Variants in MACROD2 observed in about 807,000 individuals in gnomAD.
The protein encoded by MACROD2 is ADP-ribose glycohydrolase MACROD2.
Under a neutral mutation model 70.4 loss-of-function variants are expected in MACROD2, and 36 were observed. That is an observed-to-expected ratio of 0.51 (90% CI 0.39 to 0.68). The LOEUF is 0.68. MACROD2 is among the 30% of genes least tolerant of loss of function. MACROD2 has a pLI of 0.00. For missense variants in MACROD2, 496 were observed against 538.4 expected (o/e 0.92, Z 0.78); for synonymous variants, 172 against 178.8 (o/e 0.96, Z 0.30).
At chr20:14,263,193 T>G (rs549601489) in intron 3 of MACROD2, among the ~76,000 whole-genome samples, 97 of 152,174 alleles carry the variant, frequency 6.4e-4, no homozygotes, top group Non-Finnish European at 1.2e-3. Context: ...TCAGTCAAGT[T>G]ATAACTATCC....
At chr20:15,970,462 G>C (rs1381740020) in intron 13 of MACROD2, among the ~76,000 whole-genome samples, 1 of 151,994 alleles carries the variant, frequency 6.6e-6, no homozygotes, top group African/African-American at 2.4e-5. Context: ...AAGAGTAAAA[G>C]TACCAATTAG....
chr20:15,764,372 T>C (rs2051487992), intron 8 of MACROD2, among the ~76,000 whole-genome samples: 1 of 152,224 alleles, frequency 6.6e-6, no homozygotes, highest in South Asian at 2.1e-4. Context: ...AATACCACCT[T>C]GAAATTCATA....
At chr20:15,183,409 T>G (rs1168396880) in intron 5 of MACROD2, among the ~76,000 whole-genome samples, 1 of 151,988 alleles carries the variant, frequency 6.6e-6, no homozygotes, top group Non-Finnish European at 1.5e-5. Context: ...CATGGTGGCA[T>G]GCACCTGTAG....
intron 5 of MACROD2, among the ~76,000 whole-genome samples, chr20:14,865,537 C>G (rs1030557255): frequency 6.6e-6 from 1 of 151,910 alleles, no homozygotes; most frequent in African/African-American, 2.4e-5. Flanking sequence ...GTTCGTTATT[C>G]TAGTGGAATA....
At chr20:15,848,453 A>G (rs1366543154) in intron 8 of MACROD2, among the ~76,000 whole-genome samples, 1 of 152,212 alleles carries the variant, frequency 6.6e-6, no homozygotes, top group Non-Finnish European at 1.5e-5. Context: ...TATTATAGAT[A>G]CTACATTACT....
intron 3 of MACROD2, among the ~76,000 whole-genome samples, chr20:14,441,702 C>A (rs17226999): frequency 6.6e-6 from 1 of 151,986 alleles, no homozygotes; most frequent in Non-Finnish European, 1.5e-5. Flanking sequence ...TTCTGATACC[C>A]AAATGGCCTG....
intron 2 of MACROD2, among the ~76,000 whole-genome samples, chr20:14,046,981 TAATA>T (rs1434048215): frequency 6.6e-6 from 1 of 152,086 alleles, no homozygotes; most frequent in Non-Finnish European, 1.5e-5. Context: ...CTAGACATCA[TAATA>T]AATCATTGAA....
rs934418178 is a variant in MACROD2, at chr20:15,913,546, G to T, written c.776-19730G>T. Among the ~76,000 whole-genome samples, 7 of 152,250 alleles carry T rather than the reference G, an allele frequency of 4.6e-5. No individual in the cohort carries two copies. In the East Asian group the frequency reaches 1.4e-3, roughly 29 times the overall value. ...AACAGTGAAGTCTCAGCCAAGAAAAGAAATTTAAAAAACCAGTTTCCTGAA... is the reference window on the plus strand; with the variant it reads ...AACAGTGAAGTCTCAGCCAAGAAAATAAATTTAAAAAACCAGTTTCCTGAA... On this transcript the variant is annotated intron_variant, in intron 10 of 17. Coordinates refer to ENST00000684519, the MANE Select transcript of MACROD2 (RefSeq NM_001351661.2).
chr20:15,749,452 C>T (rs1412814135), intron 8 of MACROD2, among the ~76,000 whole-genome samples: 2 of 151,856 alleles, frequency 1.3e-5, no homozygotes, highest in African/African-American at 4.8e-5. Flanking sequence ...AATTTCGGAT[C>T]TATCACAAAG....
At chr20:15,011,421 A>T (rs1230707908) in intron 5 of MACROD2, among the ~76,000 whole-genome samples, 4 of 152,192 alleles carry the variant, frequency 2.6e-5, no homozygotes, top group Non-Finnish European at 5.9e-5. Flanking sequence ...GATAATAATA[A>T]CTTTCCTATA....
intron 8 of MACROD2, among the ~76,000 whole-genome samples, chr20:15,505,053 C>T (rs575018913): frequency 6.6e-6 from 1 of 152,106 alleles, no homozygotes; most frequent in African/African-American, 2.4e-5. Context: ...TTGTTCTACC[C>T]CAGGGACTCA....
intron 8 of MACROD2, among the ~76,000 whole-genome samples, chr20:15,526,706 A>C (rs975624113): frequency 3.3e-5 from 5 of 152,242 alleles, no homozygotes; most frequent in Non-Finnish European, 7.3e-5. Flanking sequence ...GTTAGAAATG[A>C]GTAAAACCAT....
In MACROD2 at chr20:15,291,268, A is replaced by G. The variant is rs1459142038; in HGVS notation, c.540+61207A>G. ...ATCTATGCCATCACTGGGGGTTCTC[A>G]TTGTTTCTCATCTGTAAAGTCTTTT... On this transcript the variant is annotated intron_variant, in intron 6 of 17. Transcript: ENST00000684519. Among the ~76,000 whole-genome samples, 41 of 152,298 alleles carry G rather than the reference A, an allele frequency of 2.7e-4. 1 individual carries two copies. The highest frequency in any genetic ancestry group is 4.4e-5 in the Non-Finnish European group (3 of 68,014).
intron 8 of MACROD2, among the ~76,000 whole-genome samples, chr20:15,727,958 A>G (rs187422765): frequency 1.3e-5 from 2 of 152,166 alleles, no homozygotes; most frequent in East Asian, 3.9e-4. Context: ...GAGTTTCAGT[A>G]CTATGTTGAA....
intron 5 of MACROD2, among the ~76,000 whole-genome samples, chr20:14,696,946 T>G (rs999333905): frequency 6.6e-6 from 1 of 152,228 alleles, no homozygotes; most frequent in African/African-American, 2.4e-5. Flanking sequence ...TAAATACATA[T>G]ACATGTCATC....
chr20:15,101,407 T>G (rs1208835337), intron 5 of MACROD2, among the ~76,000 whole-genome samples: 1 of 151,920 alleles, frequency 6.6e-6, no homozygotes, highest in Non-Finnish European at 1.5e-5. Context: ...CCATGAAAGT[T>G]AACATGCCAT....
At chr20:15,598,991 C>A (rs751633186) in intron 8 of MACROD2, among the ~76,000 whole-genome samples, 1 of 152,130 alleles carries the variant, frequency 6.6e-6, no homozygotes, top group South Asian at 2.1e-4. Context: ...TTTAAAAATG[C>A]CCAGTGCTGG....
chr20:15,624,883 C>A (rs747043724), intron 8 of MACROD2, among the ~76,000 whole-genome samples: 101 of 151,910 alleles, frequency 6.6e-4, no homozygotes, highest in Non-Finnish European at 1.1e-3. Context: ...CCTACAGAGC[C>A]CAGGAGCCTA....
chr20:15,505,832 T>C (rs1028903285), intron 8 of MACROD2, among the ~76,000 whole-genome samples: 4 of 152,180 alleles, frequency 2.6e-5, no homozygotes, highest in Non-Finnish European at 5.9e-5. Flanking sequence ...GTGGTACTTT[T>C]CTCTCCTCGC....
Sources: gnomAD v4.1 joint callset for allele counts (sites outside exome capture counted in the v4.1 genomes callset) on GRCh38, gnomAD v4.1.1 for gene constraint, MANE v1.5 for transcripts, NCBI Gene and HGNC (gene_info 2026-07-23, HGNC 2026-07-21) for gene names.